The following CHD8 variants were observed in gnomAD, a reference collection of about 807,000 sequenced individuals.
The protein encoded by CHD8 is chromodomain helicase DNA binding protein 8.
CHD8 carries 31 observed loss-of-function variants against 279.2 expected under a neutral mutation model. The observed-to-expected ratio is 0.11, with a 90% confidence interval of 0.08 to 0.15. The LOEUF is 0.15. Among genes scored for constraint, CHD8 ranks in the 10% least tolerant of loss-of-function variants. CHD8 has a pLI of 1.00. For synonymous variants in CHD8, 1,081 were observed against 1,139.6 expected (o/e 0.95, Z 1.04); for missense variants, 2,146 against 3,230.5 (o/e 0.66, Z 8.14).
intron 2 of CHD8, 195 bp from the exon 3 acceptor site, chr14:21,429,530 G>A: frequency 1.4e-6 from 1 of 729,288 alleles, no homozygotes. Context: ...TCGCTGTATT[G>A]CCCAGGCTAG....
chr14:21,421,325 T>C (rs1400283538), intron 5 of CHD8, among the ~76,000 whole-genome samples: 2 of 151,986 alleles, frequency 1.3e-5, no homozygotes, highest in Non-Finnish European at 2.9e-5. Context: ...TTTTCATTAA[T>C]AAGTCTTCCT....
In CHD8 at chr14:21,440,037, C is replaced by T. The variant is rs143735709; in HGVS notation, c.-215-8179G>A. Among the ~76,000 whole-genome samples, 16 of 152,288 alleles carry T rather than the reference C, an allele frequency of 1.1e-4. No homozygotes were observed. In the East Asian group the frequency reaches 3.1e-3, roughly 29 times the overall value. On this transcript the variant is annotated intron_variant, in intron 1 of 37. Transcript: ENST00000646647. ...AGTAAGACATAATCCCTACCCTCAA[C>T]TCACAGTAAGTAAGAGTGCATTTGT...
At chr14:21,448,702 G>T (rs1367741315) in intron 1 of CHD8, among the ~76,000 whole-genome samples, 1 of 151,402 alleles carries the variant, frequency 6.6e-6, no homozygotes, top group African/African-American at 2.4e-5. Flanking sequence ...GACTACAGGC[G>T]CGCGCCACTA....
At chr14:21,415,184 T>C (rs1436626471) in intron 7 of CHD8, 191 bp from the exon 8 acceptor site, 7 of 551,144 alleles carry the variant, frequency 1.3e-5, no homozygotes, top group African/African-American at 9.5e-5. Flanking sequence ...CTTTATCCAC[T>C]CTAAACAGGT....
At chr14:21,394,764 G>A (rs1255370455) in intron 30 of CHD8, 148 bp downstream of exon 30, 4 of 767,800 alleles carry the variant, frequency 5.2e-6, no homozygotes, top group South Asian at 3.7e-5. Flanking sequence ...ATGCAAGTGA[G>A]GTTTTAATTT....
rs1887983148 is a variant in CHD8, at chr14:21,400,535, C to G, written c.4448G>C (p.Cys1483Ser). Residue 1483 changes from cysteine (C) to serine (S), a missense_variant, in exon 23 of 38, where the codon TGT becomes TCT. By Grantham distance (112) the Cys-to-Ser change is moderately radical (BLOSUM62 -1). This residue lies in a region of CHD8 where 73 missense variants were observed against 153.2 expected (regional missense o/e 0.48). Coordinates refer to ENST00000646647, the MANE Select transcript of CHD8 (RefSeq NM_001170629.2). This position sits in a 1 kb window ranked among gnomAD's most constrained non-coding sequence, Gnocchi z 4.2. ...RMTERDVETI[C>S]RAILVYCLLH... is the part of the protein sequence containing the mutation. ...AAGACAGTACACGAGAATGGCCCGA[C>G]AAATGGTCTCCACATCTCGTTCAGT... The G allele has an allele frequency of 1.9e-5, 30 of 1,613,116 alleles. No homozygotes were observed. Among genetic ancestry groups the G allele is most frequent in the Non-Finnish European group, 2.5e-5 (30 of 1,179,720 alleles).
rs761509065 is a variant in CHD8 at position 21,386,125 on chromosome 14, G to A, written c.7234C>T (p.Pro2412Ser). The change falls in exon 38 of 38, where the codon CCA (proline) becomes TCA (serine). Residue 2412 changes from proline to serine, a missense_variant. Pro to Ser is a moderately conservative substitution (Grantham distance 74). This residue lies in a region of CHD8 where 336 missense variants were observed against 392.9 expected (regional missense o/e 0.86). Coordinates refer to ENST00000646647, the MANE Select transcript of CHD8 (RefSeq NM_001170629.2). ...FNRVLPGPIA[P>S]ESSKKRARRM... ...CGGGCCCGCTTCTTGCTGCTCTCTG[G>A]TGCAATAGGCCCTGGCAAAACCCGG... is the stretch of plus-strand genomic sequence containing the variant. 7 of 1,553,398 alleles carry A rather than the reference G, an allele frequency of 4.5e-6. No individual in the cohort carries two copies. The highest frequency in any genetic ancestry group is 1.4e-5 in the African/African-American group (1 of 73,098).
chr14:21,450,876 T>C (rs1328584527), intron 1 of CHD8, among the ~76,000 whole-genome samples: 1 of 151,148 alleles, frequency 6.6e-6, no homozygotes, highest in Non-Finnish European at 1.5e-5. Flanking sequence ...ACCCAAAGGA[T>C]TGGCACTATC....
At chr14:21,398,214 C>T in intron 26 of CHD8, 1 of 221,048 alleles carries the variant, frequency 4.5e-6, no homozygotes, top group Non-Finnish European at 8.8e-6. Flanking sequence ...GCCACCATGC[C>T]TTGCCTGCAG....
rs1165926576 is a variant in CHD8, at chr14:21,431,574, T to C, written c.70A>G (p.Ser24Gly). Residue 24 changes from serine (S) to glycine (G), a missense_variant, in exon 2 of 38, where the codon AGC (serine) becomes GGC (glycine). By Grantham distance (56) the Ser-to-Gly change is moderately conservative. Around this residue, in one of 26 missense-constraint regions of CHD8, gnomAD observed 302 missense variants for 325.5 expected, o/e 0.93. Transcript: ENST00000646647. ...GGGTCTTGTGTGACCTGGTTAAAGC[T>C]GTCATCAGTCAGAGAGTCCAGGCCA... ...LFGLDSLTDD[S>G]FNQVTQDPIE... is the part of the protein sequence containing the mutation. The C allele has an allele frequency of 4.6e-6, 7 of 1,536,984 alleles. No homozygotes were observed. Among genetic ancestry groups the C allele is most frequent in the East Asian group, 2.4e-5 (1 of 40,918 alleles).
intron 34 of CHD8, 38 bp from the exon 35 acceptor site, chr14:21,391,984 T>C: frequency 7.1e-7 from 1 of 1,405,116 alleles, no homozygotes; most frequent in Non-Finnish European, 1.0e-6. Context: ...CATCATATGG[T>C]ACATGTTTTT....
chr14:21,419,072 A>C (rs1186243346), intron 5 of CHD8, among the ~76,000 whole-genome samples: 6 of 152,262 alleles, frequency 3.9e-5, no homozygotes, highest in Admixed American at 3.9e-4. Flanking sequence ...CATTTTAAAA[A>C]GTCTGGGAGG....
At chr14:21,392,908 A>T (rs1049651618) in intron 33 of CHD8, 99 bp from the exon 34 acceptor site, 1 of 1,342,950 alleles carries the variant, frequency 7.4e-7, no homozygotes, top group Non-Finnish European at 1.0e-6. Context: ...GATGGGTAAA[A>T]ATCATAAGGC....
intron 1 of CHD8, among the ~76,000 whole-genome samples, chr14:21,454,575 G>A (rs548462982): frequency 6.6e-6 from 1 of 151,998 alleles, no homozygotes; most frequent in Non-Finnish European, 1.5e-5. Context: ...TGATCCGTCC[G>A]CCTCCACCTC....
chr14:21,434,818 C>T (rs996952168), intron 1 of CHD8, among the ~76,000 whole-genome samples: 4 of 152,128 alleles, frequency 2.6e-5, no homozygotes, highest in African/African-American at 7.2e-5. Flanking sequence ...AACCTTCTCC[C>T]AACATACATC....
At chr14:21,424,096 T>C (rs551791289) in intron 5 of CHD8, among the ~76,000 whole-genome samples, 1 of 152,234 alleles carries the variant, frequency 6.6e-6, no homozygotes, top group Non-Finnish European at 1.5e-5. Flanking sequence ...TTACAAAGAT[T>C]ACTCCACCGG....
In CHD8 at chr14:21,454,151, C is replaced by A. The variant is rs192840484; in HGVS notation, c.-216+1881G>T. Among the ~76,000 whole-genome samples the A allele has an allele frequency of 6.5e-4, 53 of 81,044 alleles. 2 individuals are homozygous for A. The highest frequency in any genetic ancestry group is 2.0e-3 in the African/African-American group (52 of 26,016). 53.2% of individuals were successfully genotyped at this position (81,044 alleles called of 152,430 possible). On this transcript the variant is annotated intron_variant, in intron 1 of 37. Transcript: ENST00000646647. ...CCAGCCTGGGTGACAGAGCAAGACT[C>A]CGTCTCAAAAAAAAAGAAAAGAAAA...
chr14:21,405,211 T>C lies in CHD8; in HGVS notation c.3305A>G (p.Asn1102Ser), dbSNP rs369247427. 5 of 1,613,620 alleles carry C rather than the reference T, an allele frequency of 3.1e-6. No individual in the cohort carries two copies. Among genetic ancestry groups the C allele is most frequent in the Non-Finnish European group, 3.4e-6 (4 of 1,179,758 alleles). The change falls in exon 16 of 38, where the codon AAT becomes AGT. Residue 1102 changes from asparagine to serine, a missense_variant and splice_region_variant. Coordinates refer to ENST00000646647, the MANE Select transcript of CHD8 (RefSeq NM_001170629.2). The surrounding 1 kb of genome is among the most constrained non-coding windows in gnomAD (Gnocchi z 4.2). The stretch of plus-strand genomic sequence containing the variant: ...GTATATACCAAGCATTCCCTCACCA[T>C]TGATGAGATATGGGTGGTTGCAGCA... ...RKCCNHPYLI[N>S]GAEEKILTEF...
chr14:21,455,427 A>G lies in CHD8; in HGVS notation c.-216+605T>C, dbSNP rs561954294. The stretch of plus-strand genomic sequence containing the variant: ...GCAACGGAAAACCAGTGAGCTCTGC[A>G]GACCTGTCAAGGAGGATGCAAGGCT... On this transcript the variant is annotated intron_variant, in intron 1 of 37. Transcript: ENST00000646647. Among the ~76,000 whole-genome samples, 41 of 152,280 alleles carry G rather than the reference A, an allele frequency of 2.7e-4. 1 individual carries two copies. The South Asian group carries it at 8.5e-3, about 32-fold the overall frequency.
Sources: allele counts gnomAD v4.1 joint callset (sites outside exome capture counted in the v4.1 genomes callset), GRCh38; gene constraint gnomAD v4.1.1; regional missense constraint gnomAD v4.1.1; non-coding constraint Gnocchi (gnomAD v3.1); transcripts MANE v1.5; gene names NCBI Gene and HGNC (gene_info 2026-07-23, HGNC 2026-07-21).